Variants in NTM observed in about 807,000 individuals in gnomAD.
NTM encodes the protein neurotrimin, also known as IgLON family member 2.
In NTM, 13 loss-of-function variants were observed where a neutral mutation model predicts 42.1. The ratio of observed to expected loss-of-function variants is 0.31; its 90% CI spans 0.20 to 0.49. The LOEUF (loss-of-function observed/expected upper bound fraction) is 0.49, where lower values mean the gene tolerates loss of function less well. Ranked by LOEUF, NTM falls within the 20% of genes least tolerant of loss-of-function variation. The pLI, the probability that NTM is intolerant of heterozygous loss-of-function variation, is 0.99. For synonymous variants in NTM, 187 were observed against 179.2 expected, an observed-to-expected ratio of 1.04 and a Z score of -0.35; for missense variants, 373 against 452.8, an observed-to-expected ratio of 0.82 and a Z score of 1.60.
At chr11:131,873,576 TATATATATACCGTATATATATAC>T (rs1304982684) in intron 1 of NTM, among the ~76,000 whole-genome samples, 6 of 48,024 alleles carry the variant, frequency 1.2e-4, no homozygotes, top group Non-Finnish European at 2.2e-4. Flanking sequence ...TATATATACA[TATATATATACCGTATATATATAC>T]ATATATATAT....
chr11:131,508,737 G>A (rs1464688169), intron 1 of NTM, among the ~76,000 whole-genome samples: 2 of 150,340 alleles, frequency 1.3e-5, no homozygotes, highest in African/African-American at 4.9e-5. Context: ...CCTTTGTAGG[G>A]ACATGGATGA....
At chr11:131,776,542 C>T (rs1245721002) in intron 1 of NTM, among the ~76,000 whole-genome samples, 1 of 152,020 alleles carries the variant, frequency 6.6e-6, no homozygotes, top group Non-Finnish European at 1.5e-5. Context: ...TCCTCAGTGT[C>T]TACCACAAAA....
intron 1 of NTM, among the ~76,000 whole-genome samples, chr11:131,838,992 G>T (rs946780875): frequency 2.0e-5 from 3 of 146,582 alleles, no homozygotes; most frequent in East Asian, 2.0e-4. Flanking sequence ...ATGGAGTCTC[G>T]CACTGTCACC....
intron 4 of NTM, among the ~76,000 whole-genome samples, chr11:132,283,371 C>T (rs559112731): frequency 6.6e-6 from 1 of 152,262 alleles, no homozygotes; most frequent in South Asian, 2.1e-4. Flanking sequence ...TCATAACCTA[C>T]TTTAGCCAGC....
chr11:132,009,367 G>A (rs473154), intron 2 of NTM, among the ~76,000 whole-genome samples: 137,890 of 152,222 alleles, frequency 0.91, 62,690 homozygotes, highest in East Asian at 1. Context: ...AATTTCATGG[G>A]AGAGCCTGTC....
At chr11:132,256,407 C>A (rs1052355982) in intron 4 of NTM, among the ~76,000 whole-genome samples, 2 of 152,312 alleles carry the variant, frequency 1.3e-5, no homozygotes, top group Admixed American at 6.5e-5. Context: ...ATTTAGAGTG[C>A]GGGCCAACCT....
chr11:131,933,353 C>T (rs2058848517), intron 2 of NTM, among the ~76,000 whole-genome samples: 1 of 152,168 alleles, frequency 6.6e-6, no homozygotes, highest in African/African-American at 2.4e-5. Flanking sequence ...AAGGTGCTTC[C>T]ATCAAAAATG....
At chr11:131,652,960 G>A (rs74941807) in intron 1 of NTM, among the ~76,000 whole-genome samples, 1,825 of 152,254 alleles carry the variant, frequency 0.012, 37 homozygotes, top group African/African-American at 0.042. Context: ...ATTGTTGACG[G>A]AAGCAACCTT....
intron 1 of NTM, among the ~76,000 whole-genome samples, chr11:131,879,108 A>C (rs1219181765): frequency 2.6e-5 from 4 of 152,268 alleles, no homozygotes; most frequent in Non-Finnish European, 5.9e-5. Flanking sequence ...CATAACCTAC[A>C]GTCTCCTTCA....
chr11:131,515,778 A>C (rs2048820941), intron 1 of NTM, among the ~76,000 whole-genome samples: 1 of 152,166 alleles, frequency 6.6e-6, no homozygotes, highest in Non-Finnish European at 1.5e-5. Context: ...TAAGTGTAGA[A>C]ATGAGAAACG....
intron 1 of NTM, among the ~76,000 whole-genome samples, chr11:131,742,931 G>C (rs1319930679): frequency 6.6e-6 from 1 of 152,144 alleles, no homozygotes; most frequent in Admixed American, 6.5e-5. Context: ...AGTGAAGGGG[G>C]GCCTCTTAAG....
chr11:131,684,366 G>C (rs981476262), intron 1 of NTM, among the ~76,000 whole-genome samples: 1 of 152,184 alleles, frequency 6.6e-6, no homozygotes, highest in Non-Finnish European at 1.5e-5. Flanking sequence ...TCCCCACCTG[G>C]AAACTATAGA....
intron 4 of NTM, among the ~76,000 whole-genome samples, chr11:132,281,679 A>G (rs940212618): frequency 1.3e-5 from 2 of 152,204 alleles, no homozygotes; most frequent in Non-Finnish European, 2.9e-5. Flanking sequence ...CCAAAGCATG[A>G]CCAGACAGTA....
chr11:131,445,691 T>C (rs1388447351), intron 1 of NTM, among the ~76,000 whole-genome samples: 2 of 152,204 alleles, frequency 1.3e-5, no homozygotes, highest in Non-Finnish European at 2.9e-5. Flanking sequence ...ATGATGAGCC[T>C]GGCAAGCATT....
In NTM at chr11:132,260,030, G is replaced by A. The variant is rs539634133; in HGVS notation, c.527-47659G>A. 5.3e-5 allele frequency among the ~76,000 whole-genome samples: 8 copies of A among 152,262 alleles called. No homozygotes were observed. The South Asian group carries it at 1.7e-3, about 32-fold the overall frequency. On this transcript the variant is annotated intron_variant, in intron 4 of 8. Transcript: ENST00000683400. The stretch of plus-strand genomic sequence containing the variant: ...GTTGATGAAGGCATTTGCCTGGGTG[G>A]CGGGAGCAGGAGAGATGTACCTTAG...
chr11:131,856,249 G>C (rs1206729816), intron 1 of NTM, among the ~76,000 whole-genome samples: 1 of 152,044 alleles, frequency 6.6e-6, no homozygotes, highest in Non-Finnish European at 1.5e-5. Context: ...ATCTCTAAGA[G>C]TATGGAAATG....
intron 1 of NTM, among the ~76,000 whole-genome samples, chr11:131,709,702 T>C (rs78055803): frequency 0.017 from 2,555 of 152,268 alleles, 57 homozygotes; most frequent in African/African-American, 0.057. Context: ...TTGCACAGGA[T>C]TGACCCACTT....
intron 1 of NTM, among the ~76,000 whole-genome samples, chr11:131,413,550 C>T (rs11222605): frequency 0.019 from 2,863 of 152,320 alleles, 47 homozygotes; most frequent in Middle Eastern, 0.037. Context: ...TCTGCAGTTA[C>T]TGTGGAATTT....
intron 1 of NTM, among the ~76,000 whole-genome samples, chr11:131,615,650 G>A (rs552357419): frequency 6.6e-5 from 10 of 152,302 alleles, no homozygotes; most frequent in South Asian, 2.1e-4. Flanking sequence ...GATCACAGGC[G>A]TGAGCCACCG....
Sources: allele counts gnomAD v4.1 joint callset (sites outside exome capture counted in the v4.1 genomes callset), GRCh38; gene constraint gnomAD v4.1.1; transcripts MANE v1.5; gene names NCBI Gene and HGNC (gene_info 2026-07-23, HGNC 2026-07-21).